VAV2: variants seen among roughly 807,000 people sequenced by gnomAD.
VAV2 encodes the protein guanine nucleotide exchange factor VAV2.
A neutral mutation model predicts 132.5 loss-of-function variants in VAV2; 67 were observed. The observed-to-expected ratio is 0.51, with a 90% CI of 0.42 to 0.62. VAV2 has a LOEUF of 0.62. VAV2 is among the 20% of genes least tolerant of loss of function. VAV2 has a pLI of 0.00. For synonymous variants in VAV2, 492 were observed against 443.5 expected, an observed-to-expected ratio of 1.11 and a Z score of -1.37; for missense variants, 938 against 1,153.6, an observed-to-expected ratio of 0.81 and a Z score of 2.71.
At chr9:133,958,312 G>A (rs186191833) in intron 1 of VAV2, among the ~76,000 whole-genome samples, 13 of 142,124 alleles carry the variant, frequency 9.1e-5, no homozygotes, top group African/African-American at 1.5e-4. Flanking sequence ...GTATAAAACC[G>A]GATTGTACGT....
Position 133,885,955 on chromosome 9 carries a change from G to A in VAV2, c.322-24523C>T, listed in dbSNP as rs879636256. ...ACTCACCATTAAGGGGACTATGCTA[G>A]ACAACCAACTTTAAACTTGTTACAA... On this transcript the variant is annotated intron_variant, in intron 2 of 29. Transcript: ENST00000371850. This position sits in a 1 kb window ranked among gnomAD's most constrained non-coding sequence, Gnocchi z 5.0. Among the ~76,000 whole-genome samples, 1 of 152,194 alleles carries A rather than the reference G, an allele frequency of 6.6e-6. No homozygotes were observed. Among genetic ancestry groups the A allele is most frequent in the Non-Finnish European group, 1.5e-5 (1 of 68,038 alleles).
In VAV2 at chr9:133,834,225, C is replaced by G; in HGVS notation, c.449+47G>C. 3 of 1,568,650 alleles carry G rather than the reference C, an allele frequency of 1.9e-6. No individual in the cohort carries two copies. Among genetic ancestry groups the G allele is most frequent in the Non-Finnish European group, 2.6e-6 (3 of 1,153,520 alleles). On this transcript the variant is annotated intron_variant, in intron 4 of 29. Coordinates refer to ENST00000371850, the MANE Select transcript of VAV2 (RefSeq NM_001134398.2). This position sits in a 1 kb window ranked among gnomAD's most constrained non-coding sequence, Gnocchi z 5.9. Reference sequence around the variant, plus strand: ...CTCCCTGGACACCACCAGGAACCTCCCTGCCCCTCCCTCCTCTCCATCCCT... The same window carrying G: ...CTCCCTGGACACCACCAGGAACCTCGCTGCCCCTCCCTCCTCTCCATCCCT...
At chr9:133,777,139 T>C (rs900539588) in intron 23 of VAV2, among the ~76,000 whole-genome samples, 1 of 152,122 alleles carries the variant, frequency 6.6e-6, no homozygotes, top group Non-Finnish European at 1.5e-5. Context: ...AATGCCTGTT[T>C]TGGTGTTTCT....
chr9:133,842,826 C>A (rs1052032173), intron 3 of VAV2, among the ~76,000 whole-genome samples: 1 of 152,158 alleles, frequency 6.6e-6, no homozygotes, highest in Non-Finnish European at 1.5e-5. Context: ...GCATGGGAGC[C>A]GGGCCCTAGC....
chr9:133,779,322 T>C (rs1833922862), intron 21 of VAV2, among the ~76,000 whole-genome samples: 1 of 152,130 alleles, frequency 6.6e-6, no homozygotes, highest in Non-Finnish European at 1.5e-5. Flanking sequence ...CTCCAGGGAA[T>C]GTGGAGGCTG....
intron 1 of VAV2, among the ~76,000 whole-genome samples, chr9:133,947,822 C>T (rs138131526): frequency 2.0e-5 from 3 of 151,834 alleles, no homozygotes; most frequent in East Asian, 2.0e-4. Flanking sequence ...CAGAGTCTCA[C>T]TGCATCAACG....
intron 2 of VAV2, among the ~76,000 whole-genome samples, chr9:133,902,821 C>T (rs1839495094): frequency 6.6e-6 from 1 of 152,130 alleles, no homozygotes; most frequent in African/African-American, 2.4e-5. Flanking sequence ...CCTGTAACCC[C>T]AGCACTTTGG....
At position 133,840,576 on chromosome 9, in the gene VAV2, C is replaced by T. The variant is rs1836680102; in HGVS notation, c.381-6236G>A. On this transcript the variant is annotated intron_variant, in intron 3 of 29. Transcript: ENST00000371850. This position sits in a 1 kb window ranked among gnomAD's most constrained non-coding sequence, Gnocchi z 4.5. ...GACACAGACCAGAAAACAGAACACCCTACAGGGGTGCCCAAACCCAAACCC... is the reference window on the plus strand; with the variant it reads ...GACACAGACCAGAAAACAGAACACCTTACAGGGGTGCCCAAACCCAAACCC... Among the ~76,000 whole-genome samples, 1 of 152,174 alleles carries T rather than the reference C, an allele frequency of 6.6e-6. No homozygotes were observed. Among genetic ancestry groups the T allele is most frequent in the South Asian group, 2.1e-4 (1 of 4,828 alleles).
At chr9:133,842,412 C>T (rs1392706669) in intron 3 of VAV2, among the ~76,000 whole-genome samples, 1 of 152,220 alleles carries the variant, frequency 6.6e-6, no homozygotes, top group African/African-American at 2.4e-5. Context: ...TCCTGGAGGG[C>T]GGGACTGGCT....
At chr9:133,893,699 C>A (rs1053464909) in intron 2 of VAV2, among the ~76,000 whole-genome samples, 5 of 152,204 alleles carry the variant, frequency 3.3e-5, no homozygotes, top group Admixed American at 6.5e-5. Flanking sequence ...CGTCGCCACA[C>A]GGCAGCTTTC....
At chr9:133,946,723 G>T (rs929304648) in intron 1 of VAV2, among the ~76,000 whole-genome samples, 8 of 152,288 alleles carry the variant, frequency 5.3e-5, no homozygotes, top group African/African-American at 1.9e-4. Context: ...ATAAAAAAAT[G>T]GGAAAACAAA....
rs191634854 is a variant in VAV2, at chr9:133,777,522, G to A, written c.1891-59C>T. 8.1e-5 allele frequency: 124 copies of A among 1,537,006 alleles called. No individual in the cohort carries two copies. The African/African-American group carries it at 1.6e-3, about 19-fold the overall frequency. ...GCCGAGCCTGGCCTATGGGAGTGTG[G>A]GGCCATTTAGACGGACTCAGCGTAT... is the stretch of plus-strand genomic sequence containing the variant. On this transcript the variant is annotated intron_variant, in intron 22 of 29. Transcript: ENST00000371850.
intron 1 of VAV2, among the ~76,000 whole-genome samples, chr9:133,990,322 C>T (rs1406831673): frequency 2.6e-5 from 4 of 152,176 alleles, no homozygotes; most frequent in Admixed American, 1.3e-4. Flanking sequence ...TGTCAGGGTT[C>T]GTATTGCTGC....
chr9:133,905,433 C>CA (rs5901029), intron 2 of VAV2, among the ~76,000 whole-genome samples: 1,661 of 113,258 alleles, frequency 0.015, 55 homozygotes, highest in African/African-American at 0.054. Context: ...GAAACTGTCT[C>CA]AAAAAAAAAA....
Position 133,771,225 on chromosome 9 carries a change from G to A in VAV2, c.2224-724C>T, listed in dbSNP as rs574142050. ...ACTACAGGCGTGTGCCACCATGCCC[G>A]GCTAATTTTTGTATTTTTTGTAGAC... On this transcript the variant is annotated intron_variant, in intron 26 of 29. Transcript: ENST00000371850. 2.0e-4 allele frequency among the ~76,000 whole-genome samples: 30 copies of A among 152,076 alleles called. 1 individual carries two copies. In the East Asian group the frequency reaches 5.0e-3, roughly 26 times the overall value.
intron 1 of VAV2, among the ~76,000 whole-genome samples, chr9:133,954,921 G>A (rs1309997159): frequency 2.0e-5 from 3 of 152,160 alleles, no homozygotes; most frequent in Admixed American, 6.5e-5. Flanking sequence ...ACAGGTGGAG[G>A]GTAAGATGTA....
intron 1 of VAV2, among the ~76,000 whole-genome samples, chr9:133,976,116 G>A (rs1019999954): frequency 4.6e-5 from 7 of 152,068 alleles, no homozygotes; most frequent in Non-Finnish European, 1.0e-4. Context: ...CAGAGGCAGA[G>A]AATTGCTTGA....
At chr9:133,776,191 G>A (rs2077065) in intron 23 of VAV2, 111 bp from the exon 24 acceptor site, 3 of 1,464,696 alleles carry the variant, frequency 2.0e-6, no homozygotes, top group Non-Finnish European at 2.7e-6. Context: ...CTGCCCTGGA[G>A]GGGACTGTCT....
chr9:133,855,087 T>G (rs2428129), intron 3 of VAV2, among the ~76,000 whole-genome samples: 1 of 151,232 alleles, frequency 6.6e-6, no homozygotes, highest in Non-Finnish European at 1.5e-5. Flanking sequence ...TGGAAGAGAG[T>G]GGAGAGAGCA....
Sources: gnomAD v4.1 joint callset for allele counts (sites outside exome capture counted in the v4.1 genomes callset) on GRCh38, gnomAD v4.1.1 for gene constraint, Gnocchi (gnomAD v3.1) non-coding constraint, MANE v1.5 for transcripts, NCBI Gene and HGNC (gene_info 2026-07-23, HGNC 2026-07-21) for gene names.